Variants in EPB41 observed in about 807,000 individuals in gnomAD.
EPB41 encodes the protein erythrocyte membrane protein band 4.1.
Under a neutral mutation model 108.0 loss-of-function variants are expected in EPB41, and 65 were observed. The observed-to-expected ratio is 0.60, with a 90% CI of 0.49 to 0.74. The LOEUF is 0.74. Among genes scored for constraint, EPB41 ranks in the 30% least tolerant of loss-of-function variants. EPB41 has a pLI of 0.00. For synonymous variants in EPB41, 336 were observed against 358.9 expected (o/e 0.94, Z 0.72); for missense variants, 875 against 1,037.0 (o/e 0.84, Z 2.15).
chr1:28,944,380 C>A (rs2094416511), intron 1 of EPB41, among the ~76,000 whole-genome samples: 1 of 152,098 alleles, frequency 6.6e-6, no homozygotes, highest in Admixed American at 6.6e-5. Flanking sequence ...TTGTTTGTAA[C>A]TCAAAAGATA....
intron 1 of EPB41, among the ~76,000 whole-genome samples, chr1:28,969,869 C>G (rs1350223297): frequency 6.6e-6 from 1 of 152,152 alleles, no homozygotes; most frequent in Non-Finnish European, 1.5e-5. Flanking sequence ...CCGCTGTACT[C>G]CAGCCTGGGC....
intron 16 of EPB41, among the ~76,000 whole-genome samples, chr1:29,094,836 G>A (rs1662624773): frequency 6.6e-6 from 1 of 152,000 alleles, no homozygotes; most frequent in African/African-American, 2.4e-5. Flanking sequence ...CCTCTGTGGG[G>A]CCTTGGTTCC....
chr1:28,913,867 C>A (rs1195755394), upstream of EPB41, among the ~76,000 whole-genome samples: 1 of 152,144 alleles, frequency 6.6e-6, no homozygotes, highest in Non-Finnish European at 1.5e-5. Flanking sequence ...ATCTGGAGAC[C>A]AGACCTCGGA....
chr1:28,892,867 G>A (rs1335171013), intron 1 of EPB41, among the ~76,000 whole-genome samples: 1 of 143,764 alleles, frequency 7.0e-6, no homozygotes, highest in Admixed American at 7.2e-5. Context: ...GTAGTGGTGC[G>A]ATCTTGGCTC....
At chr1:28,974,639 A>G (rs1033593562) in intron 1 of EPB41, among the ~76,000 whole-genome samples, 2 of 152,182 alleles carry the variant, frequency 1.3e-5, no homozygotes, top group Non-Finnish European at 2.9e-5. Context: ...TAAGAGAAGG[A>G]CAGCACTTAG....
At chr1:28,985,425 A>G (rs1482341971) in intron 1 of EPB41, among the ~76,000 whole-genome samples, 1 of 152,200 alleles carries the variant, frequency 6.6e-6, no homozygotes, top group Non-Finnish European at 1.5e-5. Flanking sequence ...AAGACAATAA[A>G]CTGGTAAACA....
chr1:28,959,521 G>C (rs1052667324), intron 1 of EPB41, among the ~76,000 whole-genome samples: 1 of 152,092 alleles, frequency 6.6e-6, no homozygotes. Flanking sequence ...CCAGCCAAAA[G>C]TTTGATCTTT....
intron 15 of EPB41, among the ~76,000 whole-genome samples, chr1:29,064,453 A>G (rs574129478): frequency 6.6e-6 from 1 of 152,310 alleles, no homozygotes; most frequent in East Asian, 1.9e-4. Context: ...AGTAATAGAG[A>G]AGTAAAACCA....
intron 1 of EPB41, among the ~76,000 whole-genome samples, chr1:28,891,541 C>T (rs1475097706): frequency 1.3e-5 from 2 of 152,162 alleles, no homozygotes; most frequent in African/African-American, 4.8e-5. Context: ...TGAGGACACA[C>T]GAGAGTCCCT....
At chr1:28,974,707 C>T (rs2095563153) in intron 1 of EPB41, among the ~76,000 whole-genome samples, 1 of 152,064 alleles carries the variant, frequency 6.6e-6, no homozygotes, top group African/African-American at 2.4e-5. Context: ...ACAGGAAAAA[C>T]AGAATTAAGA....
At chr1:29,050,715 G>A (rs973711369) in intron 11 of EPB41, among the ~76,000 whole-genome samples, 1 of 151,782 alleles carries the variant, frequency 6.6e-6, no homozygotes, top group East Asian at 1.9e-4. Context: ...TTGCTCTGTT[G>A]CCCAGGCTAG....
At chr1:28,997,146 C>T in intron 3 of EPB41, 69 bp from the exon 4 acceptor site, 3 of 1,157,804 alleles carry the variant, frequency 2.6e-6, no homozygotes, top group South Asian at 1.2e-5. Flanking sequence ...AGTGAATCCC[C>T]ATCTCTTTTG....
At chr1:29,086,343 G>A (rs1045863795) in intron 16 of EPB41, among the ~76,000 whole-genome samples, 29 of 148,376 alleles carry the variant, frequency 2.0e-4, no homozygotes, top group African/African-American at 6.5e-4. Flanking sequence ...GTGCCATCTC[G>A]GCTCACTGCA....
intron 16 of EPB41, among the ~76,000 whole-genome samples, chr1:29,073,568 T>G (rs576837970): frequency 6.6e-6 from 1 of 152,344 alleles, no homozygotes; most frequent in Non-Finnish European, 1.5e-5. Flanking sequence ...ATCTACTCCT[T>G]ATTGATATTT....
At chr1:29,047,429 T>C (rs7520199) in intron 11 of EPB41, among the ~76,000 whole-genome samples, 18,132 of 149,868 alleles carry the variant, frequency 0.12, 1,534 homozygotes, top group African/African-American at 0.24. Context: ...TTTTTTTTTT[T>C]TTTTTGTAGA....
chr1:28,996,608 A>G (rs1179746393), intron 3 of EPB41, among the ~76,000 whole-genome samples: 1 of 152,160 alleles, frequency 6.6e-6, no homozygotes, highest in East Asian at 1.9e-4. Context: ...TAGGATGGAG[A>G]TGGGGAATAT....
chr1:29,101,732 A>G (rs531905291), intron 17 of EPB41, among the ~76,000 whole-genome samples: 10 of 152,194 alleles, frequency 6.6e-5, no homozygotes, highest in Non-Finnish European at 1.0e-4. Context: ...CGATACTAAC[A>G]AAGTGGCATA....
At chr1:29,001,107 C>T (rs1477413107) in intron 4 of EPB41, among the ~76,000 whole-genome samples, 1 of 151,882 alleles carries the variant, frequency 6.6e-6, no homozygotes, top group African/African-American at 2.4e-5. Context: ...GGAGGCTGAA[C>T]TGGGTGGATC....
intron 1 of EPB41, among the ~76,000 whole-genome samples, chr1:28,933,241 A>C (rs1426469322): frequency 3.9e-5 from 6 of 152,234 alleles, no homozygotes; most frequent in African/African-American, 1.4e-4. Flanking sequence ...TGTTCTGCTC[A>C]AAAAGCAGAA....
Sources: gnomAD v4.1 joint callset for allele counts (sites outside exome capture counted in the v4.1 genomes callset) on GRCh38, gnomAD v4.1.1 for gene constraint, MANE v1.5 for transcripts, NCBI Gene and HGNC (gene_info 2026-07-23, HGNC 2026-07-21) for gene names.